The following CPSF4L variants were observed in gnomAD, a reference collection of about 807,000 sequenced individuals.
The protein encoded by CPSF4L is cleavage and polyadenylation specific factor 4 like, also known as putative cleavage and polyadenylation specificity factor subunit 4-like protein.
A neutral mutation model predicts 24.0 loss-of-function variants in CPSF4L; 18 were observed. The ratio of observed to expected loss-of-function variants is 0.75; its 90% confidence interval spans 0.52 to 1.11. The LOEUF is 1.11. Ranked by LOEUF, CPSF4L falls within the 50% of genes least tolerant of loss-of-function variation. The pLI, the probability that CPSF4L is intolerant of heterozygous loss-of-function variation, is 0.00. For synonymous variants in CPSF4L, 72 were observed against 77.2 expected (o/e 0.93, Z 0.35); for missense variants, 211 against 221.8 (o/e 0.95, Z 0.31).
intron 3 of CPSF4L, among the ~76,000 whole-genome samples, chr17:73,255,460 T>C (rs757228187): frequency 3.3e-5 from 5 of 150,514 alleles, no homozygotes; most frequent in Non-Finnish European, 7.4e-5. Flanking sequence ...TGAGTCGAGA[T>C]TGTGCCATTC....
chr17:73,242,467 G>A, the CPSF4L span: 2 of 654,234 alleles, frequency 3.1e-6, no homozygotes, highest in Non-Finnish European at 5.2e-6. Flanking sequence ...TAAAATGTGT[G>A]TTGTCTTCCT....
At chr17:73,243,136 G>A in the CPSF4L span, 2 of 734,244 alleles carry the variant, frequency 2.7e-6, no homozygotes, top group African/African-American at 1.8e-5. Flanking sequence ...CCTGGTGAAT[G>A]AGCTATTGCC....
downstream of CPSF4L, chr17:73,247,224 C>T: frequency 6.2e-7 from 1 of 1,607,712 alleles, no homozygotes; most frequent in Non-Finnish European, 8.5e-7. Flanking sequence ...AAAATATTTA[C>T]TATCTGGCCT....
chr17:73,245,184 TAAG>T, downstream of CPSF4L: 1 of 1,573,264 alleles, frequency 6.4e-7, no homozygotes, highest in South Asian at 1.1e-5. Flanking sequence ...AGCGGTGGCG[TAAG>T]TAGTGTTGAC....
upstream of CPSF4L, chr17:73,262,068 G>C: frequency 1.9e-6 from 1 of 530,380 alleles, no homozygotes; most frequent in Non-Finnish European, 3.4e-6. Flanking sequence ...GTGTACACAA[G>C]GCTCACTCGG....
intron 2 of CPSF4L, among the ~76,000 whole-genome samples, 179 bp downstream of exon 2, chr17:73,260,754 G>T (rs1345443507): frequency 6.6e-6 from 1 of 152,240 alleles, no homozygotes; most frequent in South Asian, 2.1e-4. Context: ...GCAACAGAGC[G>T]AGATTCCATC....
chr17:73,250,394 T>A, intron 5 of CPSF4L: 1 of 1,471,142 alleles, frequency 6.8e-7, no homozygotes, highest in Non-Finnish European at 9.2e-7. Flanking sequence ...TAGCTACCTT[T>A]GTGAGGAATT....
At chr17:73,262,033 C>T (rs1158617960), upstream of CPSF4L, 1 of 574,908 alleles carries the variant, frequency 1.7e-6, no homozygotes, top group South Asian at 2.0e-5. Context: ...GGGGCAGACA[C>T]CCCAGGGCCC....
At chr17:73,252,136 G>A (rs950701082) in intron 5 of CPSF4L, among the ~76,000 whole-genome samples, 6 of 151,964 alleles carry the variant, frequency 3.9e-5, no homozygotes, top group Admixed American at 1.3e-4. Context: ...ATGACGGCAC[G>A]TGCCTGCCTG....
At position 73,261,795 on chromosome 17, in the gene CPSF4L, T is replaced by C. The variant is rs1265908813; in HGVS notation, c.24A>G (p.Leu8=). MQEVIAG[L]ERFTFAFEKD... is the part of the protein sequence containing the mutation. ...TCTCGAAGGCAAAGGTGAACCGCTCTAGCCCCGCAATGACCTCTTGCATCT... is the reference window on the plus strand; with the variant it reads ...TCTCGAAGGCAAAGGTGAACCGCTCCAGCCCCGCAATGACCTCTTGCATCT... Residue 8 remains leucine (L), a synonymous_variant, in exon 1 of 6, where the codon CTA becomes CTG. Coordinates refer to ENST00000344935, the MANE Select transcript of CPSF4L (RefSeq NM_001129885.1). 1.3e-6 allele frequency: 2 copies of C among 1,551,734 alleles called. No homozygotes were observed. The highest frequency in any genetic ancestry group is 4.9e-5 in the East Asian group (2 of 40,914).
At chr17:73,242,401 G>A in the CPSF4L span, 1 of 1,310,788 alleles carries the variant, frequency 7.6e-7, no homozygotes, top group Non-Finnish European at 1.1e-6. Flanking sequence ...CTGGGCATTT[G>A]GAAAAGTTTC....
At chr17:73,242,350 A>C in the CPSF4L span, 8 of 1,564,250 alleles carry the variant, frequency 5.1e-6, no homozygotes, top group Non-Finnish European at 6.9e-6. Context: ...CTGTACAAAA[A>C]GGTGAGGCTG....
At chr17:73,250,982 C>G (rs1161354068) in intron 5 of CPSF4L, 2 of 1,538,008 alleles carry the variant, frequency 1.3e-6, no homozygotes, top group African/African-American at 1.4e-5. Flanking sequence ...CCCTGTGGCA[C>G]AGGCCCTGCC....
At chr17:73,256,749 G>C (rs993960393) in intron 3 of CPSF4L, among the ~76,000 whole-genome samples, 3 of 152,104 alleles carry the variant, frequency 2.0e-5, no homozygotes, top group Non-Finnish European at 4.4e-5. Context: ...AAAGGAGGCC[G>C]GGCACCGCAG....
intron 5 of CPSF4L, among the ~76,000 whole-genome samples, 159 bp downstream of exon 5, chr17:73,252,471 T>G (rs1471376114): frequency 2.6e-5 from 4 of 152,176 alleles, no homozygotes; most frequent in Non-Finnish European, 5.9e-5. Context: ...AGTTCTGAGA[T>G]TGCCAGGGTC....
At position 73,257,111 on chromosome 17, in the gene CPSF4L, C is replaced by G. The variant is rs373487902; in HGVS notation, c.307+570G>C. Among the ~76,000 whole-genome samples, 11 of 152,338 alleles carry G rather than the reference C, an allele frequency of 7.2e-5. No homozygotes were observed. In the East Asian group the frequency reaches 1.7e-3, roughly 24 times the overall value. ...AGATGCTGGTCCAGGCTTGACCGCACAAGATGACTTTAGGTGCTAGACCTC... is the reference window on the plus strand; with the variant it reads ...AGATGCTGGTCCAGGCTTGACCGCAGAAGATGACTTTAGGTGCTAGACCTC... On this transcript the variant is annotated intron_variant, in intron 3 of 5. Transcript: ENST00000344935.
intron 1 of CPSF4L, among the ~76,000 whole-genome samples, 185 bp from the exon 2 acceptor site, chr17:73,261,168 C>T (rs1401695974): frequency 1.3e-5 from 2 of 152,208 alleles, no homozygotes; most frequent in Non-Finnish European, 2.9e-5. Flanking sequence ...CCTTAACCCC[C>T]CAACTCTGAA....
chr17:73,257,163 T>C (rs2062027261), intron 3 of CPSF4L, among the ~76,000 whole-genome samples: 1 of 152,238 alleles, frequency 6.6e-6, no homozygotes. Context: ...ATGTTTACAA[T>C]GACCTTTGAT....
chr17:73,262,037 A>G, upstream of CPSF4L: 1 of 573,140 alleles, frequency 1.7e-6, no homozygotes, highest in African/African-American at 1.9e-5. Context: ...CAGACACCCC[A>G]GGGCCCCTCA....
Sources: allele counts gnomAD v4.1 joint callset (sites outside exome capture counted in the v4.1 genomes callset), GRCh38; gene constraint gnomAD v4.1.1; transcripts MANE v1.5; gene names NCBI Gene and HGNC (gene_info 2026-07-23, HGNC 2026-07-21).